The following RPS6KC1 variants were observed in gnomAD, a reference collection of about 807,000 sequenced individuals.
RPS6KC1 encodes ribosomal protein S6 kinase C1, also known as inactive ribosomal protein S6 kinase delta-1.
In RPS6KC1, 54 loss-of-function variants were observed where a neutral mutation model predicts 103.8. The ratio of observed to expected loss-of-function variants is 0.52; its 90% CI spans 0.42 to 0.65. The LOEUF is 0.65. Ranked by LOEUF, RPS6KC1 falls within the 30% of genes least tolerant of loss-of-function variation. The pLI, the probability that RPS6KC1 is intolerant of heterozygous loss-of-function variation, is 0.00. For synonymous variants in RPS6KC1, 439 were observed against 438.7 expected, an observed-to-expected ratio of 1.00 and a Z score of -0.01; for missense variants, 1,151 against 1,253.8, an observed-to-expected ratio of 0.92 and a Z score of 1.24.
chr1:213,583,931 G>A, the RPS6KC1 span, among the ~76,000 whole-genome samples: 3 of 151,848 alleles, frequency 2.0e-5, no homozygotes, highest in African/African-American at 7.3e-5. Flanking sequence ...GTGAAGCTTC[G>A]GAATTTGCAT....
chr1:213,278,105 T>C (rs2149209461), downstream of RPS6KC1, among the ~76,000 whole-genome samples: 1 of 151,838 alleles, frequency 6.6e-6, no homozygotes, highest in South Asian at 2.1e-4. Context: ...CTTGGGAGGC[T>C]GAGGTGGGAG....
the RPS6KC1 span, among the ~76,000 whole-genome samples, chr1:213,502,992 C>T: frequency 6.6e-6 from 1 of 152,084 alleles, no homozygotes; most frequent in Non-Finnish European, 1.5e-5. Flanking sequence ...TTCCCGTAAT[C>T]AAGCAGCTAT....
At chr1:213,132,075 T>C (rs940970652) in intron 6 of RPS6KC1, among the ~76,000 whole-genome samples, 14 of 152,230 alleles carry the variant, frequency 9.2e-5, no homozygotes, top group African/African-American at 3.4e-4. Context: ...TATAGATGCA[T>C]GTCAGAAAAT....
intron 13 of RPS6KC1, 89 bp from the exon 14 acceptor site, chr1:213,262,632 G>A (rs765159070): frequency 1.3e-5 from 11 of 858,590 alleles, no homozygotes; most frequent in Non-Finnish European, 2.0e-5. Flanking sequence ...TGGTTGTTGA[G>A]CTCTCTGTAC....
At chr1:213,234,746 G>A (rs989618467) in intron 10 of RPS6KC1, among the ~76,000 whole-genome samples, 2 of 152,196 alleles carry the variant, frequency 1.3e-5, no homozygotes, top group African/African-American at 4.8e-5. Flanking sequence ...AGGGGTGACA[G>A]AATCTGATTT....
At chr1:213,624,609 A>G in the RPS6KC1 span, among the ~76,000 whole-genome samples, 1 of 152,176 alleles carries the variant, frequency 6.6e-6, no homozygotes, top group Non-Finnish European at 1.5e-5. Context: ...CTGGATGGTC[A>G]GGCCTGGGCT....
the RPS6KC1 span, among the ~76,000 whole-genome samples, chr1:213,364,634 G>T: frequency 6.6e-6 from 1 of 152,092 alleles, no homozygotes; most frequent in Non-Finnish European, 1.5e-5. Context: ...CTAGAAAAGA[G>T]AGGGTAGAAA....
chr1:213,685,215 C>T, the RPS6KC1 span, among the ~76,000 whole-genome samples: 7 of 152,074 alleles, frequency 4.6e-5, no homozygotes, highest in East Asian at 3.9e-4. Flanking sequence ...TTTATTTGTG[C>T]GGTGGAAGGA....
intron 12 of RPS6KC1, among the ~76,000 whole-genome samples, chr1:213,251,555 G>T (rs1368356034): frequency 1.3e-5 from 2 of 152,174 alleles, no homozygotes; most frequent in African/African-American, 4.8e-5. Flanking sequence ...GCCTGGAATA[G>T]TGCAGTCAGC....
the RPS6KC1 span, among the ~76,000 whole-genome samples, chr1:213,551,593 C>T: frequency 2.6e-5 from 4 of 152,150 alleles, no homozygotes; most frequent in African/African-American, 9.7e-5. Context: ...CTAAGCAGAA[C>T]GTATAGGGAG....
At chr1:213,720,910 A>G in the RPS6KC1 span, among the ~76,000 whole-genome samples, 1 of 152,120 alleles carries the variant, frequency 6.6e-6, no homozygotes, top group Admixed American at 6.5e-5. Flanking sequence ...ATGCAGCTCC[A>G]AAGTATACAT....
At chr1:213,095,177 A>G (rs2081334323) in intron 3 of RPS6KC1, among the ~76,000 whole-genome samples, 1 of 152,178 alleles carries the variant, frequency 6.6e-6, no homozygotes, top group African/African-American at 2.4e-5. Flanking sequence ...AGAAGTAATA[A>G]ATTCAGCTTG....
chr1:213,496,469 A>G, the RPS6KC1 span, among the ~76,000 whole-genome samples: 1 of 152,100 alleles, frequency 6.6e-6, no homozygotes, highest in Non-Finnish European at 1.5e-5. Flanking sequence ...TAAGAAACTT[A>G]CTTTCAGGCC....
chr1:213,813,382 C>T, the RPS6KC1 span, among the ~76,000 whole-genome samples: 1 of 151,712 alleles, frequency 6.6e-6, no homozygotes, highest in Admixed American at 6.6e-5. Context: ...GCCAGCCCAG[C>T]CTGTTCCATG....
chr1:213,098,992 A>G (rs1362538151), intron 3 of RPS6KC1, among the ~76,000 whole-genome samples: 1 of 152,196 alleles, frequency 6.6e-6, no homozygotes, highest in Non-Finnish European at 1.5e-5. Flanking sequence ...TTCACAGGAA[A>G]ATAAACATTG....
chr1:213,361,373 C>T, the RPS6KC1 span, among the ~76,000 whole-genome samples: 1 of 152,272 alleles, frequency 6.6e-6, no homozygotes, highest in Admixed American at 6.5e-5. Context: ...GGGATATAAT[C>T]TCCTGGTGTG....
chr1:213,713,744 C>T, the RPS6KC1 span, among the ~76,000 whole-genome samples: 3 of 152,228 alleles, frequency 2.0e-5, no homozygotes. Context: ...TTCCCAGCCT[C>T]CTCTGCATCT....
chr1:213,615,220 C>A, the RPS6KC1 span, among the ~76,000 whole-genome samples: 3 of 152,198 alleles, frequency 2.0e-5, no homozygotes, highest in Admixed American at 6.5e-5. Context: ...TTCAGCTCCC[C>A]CAATGGGGTA....
At chr1:213,769,963 G>A in the RPS6KC1 span, among the ~76,000 whole-genome samples, 2 of 152,164 alleles carry the variant, frequency 1.3e-5, no homozygotes, top group Non-Finnish European at 2.9e-5. Flanking sequence ...TTCCAGCACT[G>A]CTCTCTGTGG....
Sources: allele counts gnomAD v4.1 joint callset (sites outside exome capture counted in the v4.1 genomes callset), GRCh38; gene constraint gnomAD v4.1.1; transcripts MANE v1.5; gene names NCBI Gene and HGNC (gene_info 2026-07-23, HGNC 2026-07-21).